The following SOX6 variants were observed in gnomAD, a reference collection of about 807,000 sequenced individuals.
SOX6 encodes the protein SRY-box transcription factor 6.
SOX6 carries 11 observed loss-of-function variants against 97.8 expected under a neutral mutation model. The ratio of observed to expected loss-of-function variants is 0.11; its 90% CI spans 0.07 to 0.19. SOX6 has a LOEUF of 0.19. SOX6 is among the 10% of genes least tolerant of loss of function. SOX6 has a pLI of 1.00. For missense variants in SOX6, 810 were observed against 1,039.5 expected, an observed-to-expected ratio of 0.78 and a Z score of 3.04; for synonymous variants, 360 against 371.4, an observed-to-expected ratio of 0.97 and a Z score of 0.35.
At chr11:16,328,983 G>A (rs898964913) in intron 2 of SOX6, among the ~76,000 whole-genome samples, 1 of 152,130 alleles carries the variant, frequency 6.6e-6, no homozygotes, top group Non-Finnish European at 1.5e-5. Context: ...TTTTTTGAAT[G>A]ATAGTGAAAG....
chr11:16,564,849 T>C (rs1284257943), intron 4 of SOX6, among the ~76,000 whole-genome samples: 1 of 151,770 alleles, frequency 6.6e-6, no homozygotes, highest in Non-Finnish European at 1.5e-5. Context: ...AATGCATGCA[T>C]AAGAAAAGAA....
chr11:16,625,931 T>C (rs539084012), intron 3 of SOX6, among the ~76,000 whole-genome samples: 1 of 152,322 alleles, frequency 6.6e-6, no homozygotes, highest in South Asian at 2.1e-4. Context: ...TAGAAAATTA[T>C]TGAACCAAAG....
chr11:16,026,589 C>T (rs1855222499), intron 12 of SOX6, among the ~76,000 whole-genome samples: 2 of 152,158 alleles, frequency 1.3e-5, no homozygotes, highest in South Asian at 4.1e-4. Flanking sequence ...GCAAAGACTG[C>T]TGCTAAGAAG....
chr11:16,158,894 G>C (rs367618804), intron 6 of SOX6, among the ~76,000 whole-genome samples: 1 of 150,172 alleles, frequency 6.7e-6, no homozygotes, highest in Admixed American at 6.7e-5. Context: ...GTGTGTGTGT[G>C]TGTATCTGTG....
At chr11:16,485,425 A>G (rs1860412575) in intron 4 of SOX6, among the ~76,000 whole-genome samples, 1 of 152,038 alleles carries the variant, frequency 6.6e-6, no homozygotes, top group Non-Finnish European at 1.5e-5. Context: ...CGTCTCTACA[A>G]AAGAAATTTA....
intron 7 of SOX6, among the ~76,000 whole-genome samples, chr11:16,109,736 T>G (rs1248428552): frequency 6.6e-6 from 1 of 152,184 alleles, no homozygotes; most frequent in African/African-American, 2.4e-5. Context: ...AAAGCCTAGG[T>G]TAGCCAAAAT....
At chr11:16,020,448 A>G (rs1855020850) in intron 12 of SOX6, among the ~76,000 whole-genome samples, 2 of 151,946 alleles carry the variant, frequency 1.3e-5, no homozygotes, top group African/African-American at 4.8e-5. Context: ...TCCCATGTCT[A>G]CTGCATTTCC....
intron 1 of SOX6, among the ~76,000 whole-genome samples, chr11:16,459,934 A>G (rs1025851295): frequency 6.6e-6 from 1 of 151,926 alleles, no homozygotes; most frequent in African/African-American, 2.4e-5. Flanking sequence ...TCCAGATACA[A>G]TGAAAACCAC....
At chr11:16,736,570 TTGACAATCCTTTC>T (rs1249457759) in intron 1 of SOX6, 1 of 152,224 alleles carries the variant, frequency 6.6e-6, no homozygotes, top group Non-Finnish European at 1.5e-5. Context: ...ACTATTCTTA[TTGACAATCCTTTC>T]TTATTTCAGA....
At chr11:16,700,679 G>A (rs1848086010) in intron 3 of SOX6, among the ~76,000 whole-genome samples, 1 of 152,152 alleles carries the variant, frequency 6.6e-6, no homozygotes, top group Non-Finnish European at 1.5e-5. Flanking sequence ...TTCTAGTACT[G>A]TTTGCATACC....
At chr11:16,316,741 TG>T (rs1323550856) in intron 3 of SOX6, 1 of 152,120 alleles carries the variant, frequency 6.6e-6, no homozygotes, top group African/African-American at 2.4e-5. Flanking sequence ...AACCATCTTT[TG>T]GTGGATCACA....
chr11:16,067,422 T>C (rs963510212), intron 9 of SOX6, among the ~76,000 whole-genome samples: 1 of 152,144 alleles, frequency 6.6e-6, no homozygotes, highest in African/African-American at 2.4e-5. Flanking sequence ...CTGATGGTTT[T>C]ATAAAGAGCG....
chr11:16,179,798 GT>G (rs1307241719), intron 6 of SOX6, among the ~76,000 whole-genome samples: 1 of 151,880 alleles, frequency 6.6e-6, no homozygotes, highest in African/African-American at 2.4e-5. Flanking sequence ...AGAGATCGTT[GT>G]TTAGTTAGTT....
intron 4 of SOX6, among the ~76,000 whole-genome samples, chr11:16,504,115 T>C (rs1298153927): frequency 1.3e-5 from 2 of 151,714 alleles, no homozygotes. Context: ...ATGCACTCAA[T>C]ACCAGAGCCC....
At chr11:16,434,180 TCTGA>T (rs1590202024) in intron 1 of SOX6, 3 of 152,100 alleles carry the variant, frequency 2.0e-5, no homozygotes, top group Admixed American at 2.0e-4. Flanking sequence ...TCAACTCTGC[TCTGA>T]CTGACTCCAA....
chr11:16,314,119 T>C (rs759712996), intron 3 of SOX6: 11 of 152,194 alleles, frequency 7.2e-5, no homozygotes, highest in Non-Finnish European at 1.3e-4. Context: ...GGTTCCTCCA[T>C]TGCCTTCAAT....
intron 3 of SOX6, among the ~76,000 whole-genome samples, chr11:16,709,521 A>G (rs971030366): frequency 4.0e-5 from 6 of 151,274 alleles, no homozygotes; most frequent in African/African-American, 1.5e-4. Context: ...GTGTCTCAAA[A>G]AAAAAAGAAG....
At chr11:16,518,924 G>C (rs1252211903) in intron 4 of SOX6, among the ~76,000 whole-genome samples, 3 of 152,110 alleles carry the variant, frequency 2.0e-5, no homozygotes, top group African/African-American at 7.2e-5. Context: ...ATGAACATAA[G>C]TCATTATCCT....
chr11:16,661,894 C>T (rs1393068962), intron 3 of SOX6, among the ~76,000 whole-genome samples: 1 of 152,154 alleles, frequency 6.6e-6, no homozygotes, highest in Non-Finnish European at 1.5e-5. Context: ...GTTTTCCATG[C>T]TGCTTCAAAT....
Sources: gnomAD v4.1 joint callset for allele counts (sites outside exome capture counted in the v4.1 genomes callset) on GRCh38, gnomAD v4.1.1 for gene constraint, MANE v1.5 for transcripts, NCBI Gene and HGNC (gene_info 2026-07-23, HGNC 2026-07-21) for gene names.